ZNF664: variants seen among roughly 807,000 people sequenced by gnomAD.
The protein encoded by ZNF664 is zinc finger Organ of Corti 1.
ZNF664 carries 10 observed loss-of-function variants against 18.2 expected under a neutral mutation model. The ratio of observed to expected loss-of-function variants is 0.55; its 90% CI spans 0.34 to 0.93. The LOEUF (loss-of-function observed/expected upper bound fraction) is 0.93. Among genes scored for constraint, ZNF664 ranks in the 40% least tolerant of loss-of-function variants. The pLI is 0.02. For synonymous variants in ZNF664, 119 were observed against 104.2 expected, an observed-to-expected ratio of 1.14 and a Z score of -0.86; for missense variants, 193 against 319.0, an observed-to-expected ratio of 0.61 and a Z score of 3.01.
At chr12:124,003,398 CTT>C (rs369995896) in intron 3 of ZNF664, 14,848 of 138,458 alleles carry the variant, frequency 0.11, 863 homozygotes, top group Middle Eastern at 0.17. Flanking sequence ...CTAATTGCAT[CTT>C]TTTTTTTTTT....
chr12:123,986,507 G>A (rs1341362845), intron 2 of ZNF664, among the ~76,000 whole-genome samples: 1 of 152,158 alleles, frequency 6.6e-6, no homozygotes, highest in African/African-American at 2.4e-5. Context: ...GGTTTGCTGT[G>A]ATTTGATGAC....
At position 124,013,121 on chromosome 12, in the gene ZNF664, C is replaced by G; in HGVS notation, c.*191C>G. On this transcript the variant is annotated 3_prime_UTR_variant, in exon 5 of 5. Coordinates refer to ENST00000337815, the MANE Select transcript of ZNF664 (RefSeq NM_152437.3). ...TCCACAGGTTGACTTTGAATGTGGACCTCTGAGCATCCACGCAGGATGGCT... is the reference window on the plus strand; with the variant it reads ...TCCACAGGTTGACTTTGAATGTGGAGCTCTGAGCATCCACGCAGGATGGCT... 1.2e-6 allele frequency: 1 copy of G among 809,296 alleles called. No homozygotes were observed. The highest frequency in any genetic ancestry group is 1.9e-6 in the Non-Finnish European group (1 of 521,850). 50.1% of individuals were successfully genotyped at this position (809,296 alleles called of 1,614,324 possible).
At chr12:123,989,318 C>G (rs1450484204) in intron 3 of ZNF664, 1 of 152,290 alleles carries the variant, frequency 6.6e-6, no homozygotes, top group African/African-American at 2.4e-5. Flanking sequence ...GGTGACTGAC[C>G]TATTTAGAAG....
intron 2 of ZNF664, among the ~76,000 whole-genome samples, chr12:123,982,036 G>A (rs929536148): frequency 1.3e-5 from 2 of 152,184 alleles, no homozygotes; most frequent in African/African-American, 4.8e-5. Context: ...GGGTGGTGGA[G>A]GTTCCTCTGG....
At chr12:123,981,204 TG>T (rs1311649729) in intron 2 of ZNF664, among the ~76,000 whole-genome samples, 1 of 152,034 alleles carries the variant, frequency 6.6e-6, no homozygotes, top group African/African-American at 2.4e-5. Context: ...ACCTTTGTGA[TG>T]GGGGGAAGTC....
At chr12:124,006,401 C>T (rs1438146601) in intron 3 of ZNF664, among the ~76,000 whole-genome samples, 1 of 152,212 alleles carries the variant, frequency 6.6e-6, no homozygotes, top group Non-Finnish European at 1.5e-5. Context: ...CAGCTTCATT[C>T]TCCCAGCCTG....
chr12:123,974,274 C>T (rs1956652897), intron 2 of ZNF664: 1 of 373,742 alleles, frequency 2.7e-6, no homozygotes, highest in Admixed American at 4.6e-5. Flanking sequence ...GAGCCTGCTC[C>T]GAACTGAACT....
chr12:123,992,435 G>A (rs1465728753), intron 3 of ZNF664, among the ~76,000 whole-genome samples: 2 of 152,176 alleles, frequency 1.3e-5, no homozygotes, highest in Admixed American at 6.5e-5. Context: ...AAGGAGAGGA[G>A]TATAACCGGG....
chr12:124,014,114 T>C lies in ZNF664; in HGVS notation c.*1184T>C, dbSNP rs1957164755. The C allele has an allele frequency of 1.2e-5, 2 of 164,232 alleles. No homozygotes were observed. The highest frequency in any genetic ancestry group is 1.4e-4 in the Admixed American group (2 of 14,708). 10.2% of individuals were successfully genotyped at this position (164,232 alleles called of 1,614,324 possible). A position where few individuals can be genotyped will look rare whatever the true frequency, so the allele number is the denominator to read the frequency against. On this transcript the variant is annotated 3_prime_UTR_variant, in exon 5 of 5. Transcript: ENST00000337815. ...ATGATAAGTAAACAAATAAATAATG[T>C]AGTTTGAGATAGTGATTAAGTGCTA...
rs367794704 is a variant in ZNF664 at position 123,984,898 on chromosome 12, T to C, written c.-756-3145T>C. ...GGACATACTGTATGGAGGACTCCTA[T>C]ATTTAGGCATAGGCATGTGAGATGG... On this transcript the variant is annotated intron_variant, in intron 2 of 4. Transcript: ENST00000337815. Among the ~76,000 whole-genome samples the C allele has an allele frequency of 7.2e-5, 11 of 152,060 alleles. No homozygotes were observed. In the South Asian group the frequency reaches 2.1e-3, roughly 29 times the overall value.
Position 123,973,867 on chromosome 12 carries a change from G to A in ZNF664, c.-891-19G>A. 1 of 1,092,274 alleles carries A rather than the reference G, an allele frequency of 9.2e-7. No individual in the cohort carries two copies. Among genetic ancestry groups the A allele is most frequent in the Non-Finnish European group, 1.1e-6 (1 of 871,084 alleles). 67.7% of individuals were successfully genotyped at this position (1,092,274 alleles called of 1,614,324 possible). A position where few individuals can be genotyped will look rare whatever the true frequency, so the allele number is the denominator to read the frequency against. On this transcript the variant is annotated intron_variant, in intron 1 of 4. Transcript: ENST00000337815. ...GGCTGCGGAGGAGCCGGCTGCATGG[G>A]GTGCTGTGTGTTTTTCAGGGCGCCC...
intron 2 of ZNF664, among the ~76,000 whole-genome samples, chr12:123,983,962 G>A (rs1192586498): frequency 2.0e-5 from 3 of 147,874 alleles, no homozygotes; most frequent in Non-Finnish European, 4.4e-5. Flanking sequence ...ACTAGAGGTA[G>A]TAACCCATTG....
chr12:123,990,152 T>G (rs1956872935), intron 3 of ZNF664, among the ~76,000 whole-genome samples: 1 of 152,158 alleles, frequency 6.6e-6, no homozygotes, highest in South Asian at 2.1e-4. Context: ...GGAGTTGTTA[T>G]TGAATGGGGA....
In ZNF664 at chr12:124,011,905, G is replaced by C; in HGVS notation, c.-240G>C. 9.2e-6 allele frequency: 12 copies of C among 1,308,502 alleles called. No homozygotes were observed. Among genetic ancestry groups the C allele is most frequent in the Non-Finnish European group, 1.2e-5 (12 of 1,034,642 alleles). The allele number at this position is 1,308,502 out of a possible 1,614,324, so 81.1% of individuals were successfully genotyped here. The stretch of plus-strand genomic sequence containing the variant: ...GTTAATGAGTTACAGAATTCACGTG[G>C]AAGTCAATGTCACTTTATAATCGAT... On this transcript the variant is annotated 5_prime_UTR_variant, in exon 5 of 5. Transcript: ENST00000337815.
chr12:124,013,090 G>A lies in ZNF664; in HGVS notation c.*160G>A. On this transcript the variant is annotated 3_prime_UTR_variant, in exon 5 of 5. Coordinates refer to ENST00000337815, the MANE Select transcript of ZNF664 (RefSeq NM_152437.3). Reference sequence around the variant, plus strand: ...AGATTGATTTGTTGGTTCATGCCAAGTGTGTTCCACAGGTTGACTTTGAAT... The same window carrying A: ...AGATTGATTTGTTGGTTCATGCCAAATGTGTTCCACAGGTTGACTTTGAAT... 9.7e-7 allele frequency: 1 copy of A among 1,030,818 alleles called. No individual in the cohort carries two copies. Among genetic ancestry groups the A allele is most frequent in the South Asian group, 1.7e-5 (1 of 57,216 alleles). The allele number at this position is 1,030,818 out of a possible 1,614,324, so 63.9% of individuals were successfully genotyped here. A position where few individuals can be genotyped will look rare whatever the true frequency, so the allele number is the denominator to read the frequency against.
intron 2 of ZNF664, among the ~76,000 whole-genome samples, chr12:123,974,827 C>T (rs926570878): frequency 1.3e-5 from 2 of 152,214 alleles, no homozygotes; most frequent in African/African-American, 4.8e-5. Flanking sequence ...TTCAGTATAT[C>T]ATGGTTTAGC....
chr12:123,999,067 C>G (rs11608738), intron 3 of ZNF664, among the ~76,000 whole-genome samples: 14,953 of 152,224 alleles, frequency 0.098, 928 homozygotes, highest in Middle Eastern at 0.18. Context: ...TGATTACTGG[C>G]TTAGTGCATC....
Position 124,008,463 on chromosome 12 carries a change from C to T in ZNF664, c.-660-2918C>T, listed in dbSNP as rs189561188. Among the ~76,000 whole-genome samples, 117 of 152,298 alleles carry T rather than the reference C, an allele frequency of 7.7e-4. 1 individual carries two copies. The highest frequency in any genetic ancestry group is 2.6e-3 in the African/African-American group (110 of 41,558). On this transcript the variant is annotated intron_variant, in intron 3 of 4. Transcript: ENST00000337815. ...GTCAAGTCCTGGATCAGCCTTCCAG[C>T]CGCTTTTTTCACCCATTGCTTTTCA...
In ZNF664 at chr12:123,988,053, A is replaced by T. The variant is rs1956845175; in HGVS notation, c.-746A>T. 5 of 1,231,320 alleles carry T rather than the reference A, an allele frequency of 4.1e-6. No individual in the cohort carries two copies. Among genetic ancestry groups the T allele is most frequent in the African/African-American group, 1.6e-5 (1 of 64,362 alleles). 76.3% of individuals were successfully genotyped at this position (1,231,320 alleles called of 1,614,324 possible). A position where few individuals can be genotyped will look rare whatever the true frequency, so the allele number is the denominator to read the frequency against. ...ATTTCTCCCATCCAGCAGGATCCTAAGGCCTTTGTAGTCCTTCAGCCACTG... is the reference window on the plus strand; with the variant it reads ...ATTTCTCCCATCCAGCAGGATCCTATGGCCTTTGTAGTCCTTCAGCCACTG... On this transcript the variant is annotated 5_prime_UTR_variant, in exon 3 of 5. In the 5' UTR this introduces an upstream ATG that the reference lacks. Coordinates refer to ENST00000337815, the MANE Select transcript of ZNF664 (RefSeq NM_152437.3).
Sources: allele counts gnomAD v4.1 joint callset (sites outside exome capture counted in the v4.1 genomes callset), GRCh38; gene constraint gnomAD v4.1.1; transcripts MANE v1.5; gene names NCBI Gene and HGNC (gene_info 2026-07-23, HGNC 2026-07-21).